Variants in SCYL1 observed in about 807,000 individuals in gnomAD.
The protein encoded by SCYL1 is SCY1 like pseudokinase 1, also known as N-terminal kinase-like protein.
SCYL1 carries 85 observed loss-of-function variants against 94.8 expected under a neutral mutation model. That is an observed-to-expected ratio of 0.90 (90% CI 0.75 to 1.07). The LOEUF (loss-of-function observed/expected upper bound fraction) is 1.07. Ranked by LOEUF, SCYL1 falls within the 50% of genes least tolerant of loss-of-function variation. The pLI is 0.00. For missense variants in SCYL1, 968 were observed against 1,083.3 expected (o/e 0.89, Z 1.49); for synonymous variants, 459 against 435.5 (o/e 1.05, Z -0.67).
Position 65,538,081 on chromosome 11 carries a change from C to T in SCYL1, c.2146C>T (p.Pro716Ser). The T allele has an allele frequency of 2.5e-6, 4 of 1,607,740 alleles. No individual in the cohort carries two copies. The highest frequency in any genetic ancestry group is 1.7e-5 in the Admixed American group (1 of 58,978). The change falls in exon 16 of 18, where the codon CCT (proline) becomes TCT (serine). Residue 716 changes from proline to serine, a missense_variant. Physicochemically the swap from Pro to Ser is moderately conservative, Grantham distance 74. Around this residue, in one of 2 missense-constraint regions of SCYL1, gnomAD observed 474 missense variants for 463.6 expected, o/e 1.02. Coordinates refer to ENST00000270176, the MANE Select transcript of SCYL1 (RefSeq NM_020680.4). ...WQEPSSQEPPPDGTRLASEYN... is the reference protein window; with the variant it reads ...WQEPSSQEPPSDGTRLASEYN... ...GGAGCCAAGCTCCCAGGAGCCACCT[C>T]CTGACGGTACACGGCTGGCCAGCGA...
chr11:65,536,815 TCTTACTGTC>T (rs1238003633), intron 13 of SCYL1, 65 bp downstream of exon 13: 5 of 1,515,012 alleles, frequency 3.3e-6, no homozygotes, highest in Non-Finnish European at 4.5e-6. Flanking sequence ...ACCCAGGAAC[TCTTACTGTC>T]TGACTCCCCC....
chr11:65,528,050 C>T (rs980542144), intron 6 of SCYL1, among the ~76,000 whole-genome samples: 19 of 152,168 alleles, frequency 1.2e-4, no homozygotes, highest in East Asian at 1.2e-3. Context: ...GAAGGTGAGG[C>T]GGACCTAGAT....
At chr11:65,532,433 A>C (rs1855429832) in intron 8 of SCYL1, among the ~76,000 whole-genome samples, 1 of 142,108 alleles carries the variant, frequency 7.0e-6, no homozygotes. Context: ...TCAGAAAAAA[A>C]AAAAAAAAAA....
At chr11:65,535,199 A>C (rs769749083) in intron 9 of SCYL1, 28 bp from the exon 10 acceptor site, 18 of 1,608,334 alleles carry the variant, frequency 1.1e-5, no homozygotes, top group East Asian at 2.2e-5. Flanking sequence ...GCCACAGCCC[A>C]CAGTTCCCAC....
At chr11:65,535,019 G>A (rs769871322) in intron 9 of SCYL1, 3 of 605,456 alleles carry the variant, frequency 5.0e-6, no homozygotes, top group Non-Finnish European at 8.7e-6. Flanking sequence ...AAACAGGAGT[G>A]CAGACAGACT....
At chr11:65,528,270 A>G (rs1855191005) in intron 6 of SCYL1, among the ~76,000 whole-genome samples, 1 of 151,256 alleles carries the variant, frequency 6.6e-6, no homozygotes, top group South Asian at 2.1e-4. Flanking sequence ...GAGAAACCCC[A>G]TCTCTACTAA....
chr11:65,535,422 G>A (rs947791), intron 10 of SCYL1, 40 bp downstream of exon 10: 310,399 of 1,603,304 alleles, frequency 0.19, 31,498 homozygotes, highest in Middle Eastern at 0.26. Context: ...GGTCCCTGTC[G>A]CAGGACCACA....
In SCYL1 at chr11:65,525,501, C is replaced by T. The variant is rs371127748; in HGVS notation, c.112-73C>T. On this transcript the variant is annotated intron_variant, in intron 1 of 17. Coordinates refer to ENST00000270176, the MANE Select transcript of SCYL1 (RefSeq NM_020680.4). ...CCCTAAGGCTGACCTGGGGAGAGAC[C>T]TGGCTGCGGGCCCTTGTCTTCCGGC... is the stretch of plus-strand genomic sequence containing the variant. 19 of 1,553,842 alleles carry T rather than the reference C, an allele frequency of 1.2e-5. No homozygotes were observed. In the African/African-American group the frequency reaches 1.8e-4, roughly 14 times the overall value.
chr11:65,527,406 A>T (rs554101885), intron 6 of SCYL1, among the ~76,000 whole-genome samples: 52 of 152,318 alleles, frequency 3.4e-4, no homozygotes, highest in Admixed American at 3.3e-3. Flanking sequence ...GGAAATGCCC[A>T]TTAGAGCATT....
At chr11:65,525,468 C>A in intron 1 of SCYL1, 106 bp from the exon 2 acceptor site, 1 of 1,384,162 alleles carries the variant, frequency 7.2e-7, no homozygotes, top group Admixed American at 2.5e-5. Flanking sequence ...GTGGGCCCGG[C>A]GAAGTGTCCC....
chr11:65,537,703 G>C (rs923743630), intron 14 of SCYL1, 106 bp from the exon 15 acceptor site: 1 of 970,474 alleles, frequency 1.0e-6, no homozygotes, highest in South Asian at 1.7e-5. Flanking sequence ...CAAATGAGGA[G>C]GAAGGCAAAA....
intron 1 of SCYL1, 153 bp from the exon 2 acceptor site, chr11:65,525,421 G>A: frequency 9.2e-7 from 1 of 1,089,422 alleles, no homozygotes; most frequent in East Asian, 2.9e-5. Context: ...CGGGCGGAGG[G>A]ACCGAGGGAC....
At chr11:65,537,775 G>C (rs1855760944) in intron 14 of SCYL1, 34 bp from the exon 15 acceptor site, 1 of 1,519,894 alleles carries the variant, frequency 6.6e-7, no homozygotes, top group South Asian at 1.3e-5. Flanking sequence ...CTTTAGCATG[G>C]GGTGGGAGTC....
chr11:65,532,853 TG>T (rs775125130), intron 9 of SCYL1, 48 bp downstream of exon 9: 7 of 1,416,786 alleles, frequency 4.9e-6, no homozygotes, highest in Non-Finnish European at 7.0e-6. Context: ...TTCCAAGGCT[TG>T]GAGGGGCTCA....
chr11:65,534,147 T>C (rs933606945), intron 9 of SCYL1, among the ~76,000 whole-genome samples: 2 of 147,340 alleles, frequency 1.4e-5, no homozygotes, highest in Non-Finnish European at 1.5e-5. Flanking sequence ...AGGAGAATGG[T>C]GTGAACCTCG....
At position 65,536,674 on chromosome 11, in the gene SCYL1, C is replaced by G; in HGVS notation, c.1740C>G (p.Leu580=). 6.2e-7 allele frequency: 1 copy of G among 1,614,046 alleles called. No individual in the cohort carries two copies. The change falls in exon 13 of 18, where the codon CTC becomes CTG. Residue 580 remains leucine, a synonymous_variant. Transcript: ENST00000270176. ...GGGCCGTGACCGGGGTCTCCTCACT[C>G]ACCTCCAAGCTGATCCGTTCGCACC... is the stretch of plus-strand genomic sequence containing the variant. ...AGWAVTGVSS[L]TSKLIRSHPT...
chr11:65,525,601 G>A lies in SCYL1; in HGVS notation c.139G>A (p.Val47Ile), dbSNP rs1341978436. 1 of 1,612,502 alleles carries A rather than the reference G, an allele frequency of 6.2e-7. No homozygotes were observed. Among genetic ancestry groups the A allele is most frequent in the African/African-American group, 1.3e-5 (1 of 74,890 alleles). The change falls in exon 2 of 18, where the codon GTC (valine) becomes ATC (isoleucine). Residue 47 changes from valine to isoleucine, a missense_variant. Transcript: ENST00000270176. The part of the protein sequence containing the change: ...KATGSPVSIF[V>I]YDVKPGAEEQ... ...CACAGGCAGCCCCGTGTCCATCTTC[G>A]TCTATGATGTGAAGCCTGGCGCGGA...
intron 10 of SCYL1, 98 bp downstream of exon 10, chr11:65,535,480 C>A: frequency 1.4e-6 from 2 of 1,476,656 alleles, no homozygotes; most frequent in South Asian, 1.2e-5. Flanking sequence ...TTCATTCTCC[C>A]AGAGACTTAG....
At position 65,536,618 on chromosome 11, in the gene SCYL1, A is replaced by G. The variant is rs367798590; in HGVS notation, c.1684A>G (p.Met562Val). 6.2e-7 allele frequency: 1 copy of G among 1,613,954 alleles called. No homozygotes were observed. Among genetic ancestry groups the G allele is most frequent in the Non-Finnish European group, 8.5e-7 (1 of 1,179,896 alleles). ...KDVHAASSPG[M>V]GGAAASWAGW... is the part of the protein sequence containing the mutation. ...TGTCCATGCAGCCTCCAGCCCTGGC[A>G]TGGGAGGAGCCGCAGCTAGCTGGGC... The change falls in exon 13 of 18, where the codon ATG (methionine) becomes GTG (valine). Residue 562 changes from methionine to valine, a missense_variant. Transcript: ENST00000270176.
Sources: gnomAD v4.1 joint callset for allele counts (sites outside exome capture counted in the v4.1 genomes callset) on GRCh38, gnomAD v4.1.1 for gene constraint, gnomAD v4.1.1 regional missense constraint, MANE v1.5 for transcripts, NCBI Gene and HGNC (gene_info 2026-07-23, HGNC 2026-07-21) for gene names.